The following EXOC6B variants were observed in gnomAD, a reference collection of about 807,000 sequenced individuals.
EXOC6B encodes the protein SEC15 homolog B.
Under a neutral mutation model 113.5 loss-of-function variants are expected in EXOC6B, and 54 were observed. That is an observed-to-expected ratio of 0.48 (90% CI 0.38 to 0.60). EXOC6B has a LOEUF of 0.60. EXOC6B is among the 20% of genes least tolerant of loss of function. EXOC6B has a pLI of 0.00. For synonymous variants in EXOC6B, 357 were observed against 339.0 expected, an observed-to-expected ratio of 1.05 and a Z score of -0.58; for missense variants, 797 against 977.5, an observed-to-expected ratio of 0.82 and a Z score of 2.46.
chr2:72,817,731 A>T (rs1343026533), intron 1 of EXOC6B, among the ~76,000 whole-genome samples: 1 of 152,256 alleles, frequency 6.6e-6, no homozygotes, highest in Non-Finnish European at 1.5e-5. Flanking sequence ...TTAGGCCAAG[A>T]GCCTTGGAAT....
intron 18 of EXOC6B, among the ~76,000 whole-genome samples, chr2:72,425,483 A>G (rs751142416): frequency 6.6e-6 from 1 of 152,148 alleles, no homozygotes; most frequent in Non-Finnish European, 1.5e-5. Context: ...CTTAAGCCAC[A>G]TTTTTCCATT....
chr2:72,651,542 A>C lies in EXOC6B; in HGVS notation c.669+66561T>G, dbSNP rs551636071. 3.3e-5 allele frequency among the ~76,000 whole-genome samples: 5 copies of C among 152,342 alleles called. No individual in the cohort carries two copies. The South Asian group carries it at 8.3e-4, about 25-fold the overall frequency. ...AAAGTAATTGCAGTTTTCAGCCATT[A>C]AAACAGCAAAACTGCAATTACTTTC... On this transcript the variant is annotated intron_variant, in intron 6 of 21. Transcript: ENST00000272427.
intron 6 of EXOC6B, among the ~76,000 whole-genome samples, chr2:72,601,014 C>T (rs1485870774): frequency 6.6e-6 from 1 of 151,550 alleles, no homozygotes; most frequent in African/African-American, 2.4e-5. Flanking sequence ...AGCAAATAAT[C>T]ACATATAAAG....
intron 8 of EXOC6B, among the ~76,000 whole-genome samples, chr2:72,539,886 T>G (rs997471235): frequency 6.6e-6 from 1 of 151,592 alleles, no homozygotes; most frequent in Non-Finnish European, 1.5e-5. Context: ...CATGCTGGTG[T>G]GCTGCACCCA....
intron 6 of EXOC6B, among the ~76,000 whole-genome samples, chr2:72,594,925 A>T (rs1342681083): frequency 6.6e-6 from 1 of 152,218 alleles, no homozygotes; most frequent in Non-Finnish European, 1.5e-5. Flanking sequence ...TTTAGAAAAT[A>T]CACATCTAGA....
At chr2:72,280,511 T>C (rs10204415) in intron 20 of EXOC6B, among the ~76,000 whole-genome samples, 24,562 of 152,124 alleles carry the variant, frequency 0.16, 2,092 homozygotes, top group African/African-American at 0.19. Context: ...AATCTAGCCA[T>C]GCTTAGGAAC....
chr2:72,783,628 G>A (rs1227228514), intron 1 of EXOC6B, among the ~76,000 whole-genome samples: 1 of 151,778 alleles, frequency 6.6e-6, no homozygotes, highest in Non-Finnish European at 1.5e-5. Context: ...AGCCCCTGTT[G>A]GTCATTTCTA....
At chr2:72,720,096 A>G (rs1258279928) in intron 5 of EXOC6B, among the ~76,000 whole-genome samples, 1 of 152,226 alleles carries the variant, frequency 6.6e-6, no homozygotes, top group Non-Finnish European at 1.5e-5. Flanking sequence ...GTAGACTGTG[A>G]TAAGATGCAT....
At chr2:72,412,101 G>GA (rs1294846916) in intron 18 of EXOC6B, among the ~76,000 whole-genome samples, 3 of 151,612 alleles carry the variant, frequency 2.0e-5, no homozygotes, top group Admixed American at 6.6e-5. Context: ...GATTGGACTA[G>GA]AAAAAAATCT....
At chr2:72,650,762 T>TA (rs1434779328) in intron 6 of EXOC6B, among the ~76,000 whole-genome samples, 1 of 151,080 alleles carries the variant, frequency 6.6e-6, no homozygotes, top group East Asian at 1.9e-4. Flanking sequence ...GAATGGCTGT[T>TA]ACAAAAAAAA....
rs117698673 is a variant in EXOC6B at position 72,231,786 on chromosome 2, C to T, written c.2197-47599G>A. 3.3e-5 allele frequency among the ~76,000 whole-genome samples: 5 copies of T among 152,214 alleles called. No homozygotes were observed. In the East Asian group the frequency reaches 9.7e-4, roughly 29 times the overall value. On this transcript the variant is annotated intron_variant, in intron 20 of 21. Transcript: ENST00000272427. ...ATCAAAAGAATGAGATACATTTTGACTATTAGCAAATATATATATATGTGC... is the reference window on the plus strand; with the variant it reads ...ATCAAAAGAATGAGATACATTTTGATTATTAGCAAATATATATATATGTGC...
At chr2:72,724,615 G>T (rs1312674535) in intron 5 of EXOC6B, among the ~76,000 whole-genome samples, 1 of 151,890 alleles carries the variant, frequency 6.6e-6, no homozygotes, top group Non-Finnish European at 1.5e-5. Flanking sequence ...AAATCAATCT[G>T]CAGAAAGATC....
At chr2:72,594,890 A>G (rs1482699723) in intron 6 of EXOC6B, among the ~76,000 whole-genome samples, 1 of 152,212 alleles carries the variant, frequency 6.6e-6, no homozygotes, top group African/African-American at 2.4e-5. Context: ...AAAGATACCA[A>G]AGAAAATCTA....
At chr2:72,265,744 T>C (rs1490402802) in intron 20 of EXOC6B, among the ~76,000 whole-genome samples, 1 of 152,034 alleles carries the variant, frequency 6.6e-6, no homozygotes, top group Non-Finnish European at 1.5e-5. Context: ...AGCAGCATGA[T>C]TTATAGTCCT....
Position 72,514,605 on chromosome 2 carries a change from A to AATATAT in EXOC6B, c.1046+23_1046+28dup, listed in dbSNP as rs58454184. On this transcript the variant is annotated intron_variant, in intron 10 of 21. Coordinates refer to ENST00000272427, the MANE Select transcript of EXOC6B (RefSeq NM_015189.3). ...AAATAAATAAATAAATAAATAAATA[A>AATATAT]ATATATATATATATATATATATACC... The AATATAT allele has an allele frequency of 8.5e-4, 129 of 151,574 alleles. 1 individual carries two copies. The highest frequency in any genetic ancestry group is 3.4e-3 in the South Asian group (15 of 4,444). The allele number at this position is 151,574 out of a possible 1,614,324, so 9.4% of individuals were successfully genotyped here. A position where few individuals can be genotyped will look rare whatever the true frequency, so the allele number is the denominator to read the frequency against.
chr2:72,658,757 C>G (rs1674794690), intron 6 of EXOC6B, among the ~76,000 whole-genome samples: 1 of 151,926 alleles, frequency 6.6e-6, no homozygotes, highest in Admixed American at 6.6e-5. Context: ...TTATTTTATA[C>G]CATAATTATA....
chr2:72,519,492 G>T (rs1364939468), intron 8 of EXOC6B, among the ~76,000 whole-genome samples: 1 of 152,128 alleles, frequency 6.6e-6, no homozygotes, highest in South Asian at 2.1e-4. Context: ...TGTTCGCTAT[G>T]AGTTCAATGT....
At chr2:72,404,922 G>A (rs1203117229) in intron 18 of EXOC6B, among the ~76,000 whole-genome samples, 1 of 152,092 alleles carries the variant, frequency 6.6e-6, no homozygotes, top group African/African-American at 2.4e-5. Flanking sequence ...GCTAAAGGAG[G>A]AAGTTTCAAC....
intron 8 of EXOC6B, among the ~76,000 whole-genome samples, chr2:72,555,534 G>T (rs905033005): frequency 6.5e-4 from 99 of 152,264 alleles, no homozygotes; most frequent in African/African-American, 2.3e-3. Context: ...TCATATGTCT[G>T]TTGGCTGCAT....
Sources: gnomAD v4.1 joint callset for allele counts (sites outside exome capture counted in the v4.1 genomes callset) on GRCh38, gnomAD v4.1.1 for gene constraint, MANE v1.5 for transcripts, NCBI Gene and HGNC (gene_info 2026-07-23, HGNC 2026-07-21) for gene names.